Variants in SNTB2 observed in about 807,000 individuals in gnomAD.
SNTB2 encodes the protein beta-2-syntrophin.
In SNTB2, 34 loss-of-function variants were observed where a neutral mutation model predicts 46.2. The observed-to-expected ratio is 0.74, with a 90% CI of 0.56 to 0.98. The LOEUF (loss-of-function observed/expected upper bound fraction) is 0.98, where lower values mean the gene tolerates loss of function less well. Among genes scored for constraint, SNTB2 ranks in the 50% least tolerant of loss-of-function variants. The probability of loss-of-function intolerance (pLI) is 0.00; values close to 1 mark genes in which losing one functional copy is unlikely to be tolerated. For synonymous variants in SNTB2, 290 were observed against 312.6 expected, an observed-to-expected ratio of 0.93 and a Z score of 0.76; for missense variants, 603 against 731.4, an observed-to-expected ratio of 0.82 and a Z score of 2.02.
chr16:69,203,125 TCTC>T (rs1271701100), intron 1 of SNTB2, among the ~76,000 whole-genome samples: 8 of 151,376 alleles, frequency 5.3e-5, no homozygotes, highest in Middle Eastern at 3.4e-3. Context: ...TTCAAGCAAT[TCTC>T]CTGCCTCAGC....
chr16:69,219,558 G>A (rs1279345994), intron 1 of SNTB2, among the ~76,000 whole-genome samples: 1 of 152,152 alleles, frequency 6.6e-6, no homozygotes, highest in Non-Finnish European at 1.5e-5. Context: ...TCCATGCTAT[G>A]AGTCAGTAAT....
chr16:69,231,181 C>T (rs1013909556), intron 1 of SNTB2: 5 of 152,202 alleles, frequency 3.3e-5, no homozygotes, highest in African/African-American at 1.2e-4. Context: ...TTCTCATTTG[C>T]TTTGTGTGTT....
rs1240026287 is a variant in SNTB2, at chr16:69,212,109, C to T, written c.580+24363C>T. The stretch of plus-strand genomic sequence containing the variant: ...ATCACCTTGAACCCTACACTCTAGC[C>T]TTTCCTAGCTACTTTCATTTGTCTG... On this transcript the variant is annotated intron_variant, in intron 1 of 6. Coordinates refer to ENST00000336278, the MANE Select transcript of SNTB2 (RefSeq NM_006750.4). 3.9e-5 allele frequency among the ~76,000 whole-genome samples: 6 copies of T among 152,118 alleles called. No homozygotes were observed. In the East Asian group the frequency reaches 1.2e-3, roughly 29 times the overall value.
intron 1 of SNTB2, among the ~76,000 whole-genome samples, chr16:69,195,732 A>C (rs942228185): frequency 1.2e-4 from 19 of 152,158 alleles, no homozygotes; most frequent in Admixed American, 7.9e-4. Flanking sequence ...TTTACCACTC[A>C]CATTATCAGT....
At chr16:69,233,887 A>C (rs1288226601) in intron 1 of SNTB2, among the ~76,000 whole-genome samples, 1 of 152,116 alleles carries the variant, frequency 6.6e-6, no homozygotes, top group Non-Finnish European at 1.5e-5. Flanking sequence ...TGAGGCAAGA[A>C]GATCCCTTGA....
At chr16:69,299,921 G>A (rs1965263006) in intron 6 of SNTB2, 147 bp downstream of exon 6, 2 of 741,812 alleles carry the variant, frequency 2.7e-6, no homozygotes, top group African/African-American at 3.5e-5. Context: ...TTAAAGATGG[G>A]GTCTCTGTCA....
chr16:69,210,888 G>C (rs767676239), intron 1 of SNTB2, among the ~76,000 whole-genome samples: 8 of 152,096 alleles, frequency 5.3e-5, no homozygotes, highest in Non-Finnish European at 1.2e-4. Context: ...CTCCTAGGGA[G>C]ACTGAGGCAG....
chr16:69,259,447 C>G (rs1469884146), intron 2 of SNTB2, among the ~76,000 whole-genome samples: 1 of 151,518 alleles, frequency 6.6e-6, no homozygotes, highest in Non-Finnish European at 1.5e-5. Flanking sequence ...GTTGGCCAGA[C>G]TGGCCTCAAA....
At chr16:69,289,326 A>G (rs1965137260) in intron 5 of SNTB2, among the ~76,000 whole-genome samples, 1 of 151,898 alleles carries the variant, frequency 6.6e-6, no homozygotes, top group Non-Finnish European at 1.5e-5. Context: ...CAAGATAAAT[A>G]CCAGAGGTTG....
At chr16:69,261,373 G>A (rs1262807127) in intron 3 of SNTB2, among the ~76,000 whole-genome samples, 7 of 150,212 alleles carry the variant, frequency 4.7e-5, no homozygotes, top group African/African-American at 7.4e-5. Context: ...AAGCAGTTCT[G>A]ATGTGGTAGG....
At chr16:69,286,203 A>G (rs1356433573) in intron 5 of SNTB2, among the ~76,000 whole-genome samples, 1 of 152,174 alleles carries the variant, frequency 6.6e-6, no homozygotes, top group Non-Finnish European at 1.5e-5. Flanking sequence ...CTCTGGTCTT[A>G]GCTTCCTGAG....
At position 69,237,603 on chromosome 16, in the gene SNTB2, C is replaced by CTTTT. The variant is rs397706857; in HGVS notation, c.581-7985_581-7982dup. The stretch of plus-strand genomic sequence containing the variant: ...TTTTTTTTTCTTTCTTTCTTTCTTT[C>CTTTT]TTTTTTTTTTTTTTTTTGAGGCAGA... On this transcript the variant is annotated intron_variant, in intron 1 of 6. Coordinates refer to ENST00000336278, the MANE Select transcript of SNTB2 (RefSeq NM_006750.4). Among the ~76,000 whole-genome samples, 73 of 118,686 alleles carry CTTTT rather than the reference C, an allele frequency of 6.2e-4. 1 individual carries two copies. Among genetic ancestry groups the CTTTT allele is most frequent in the South Asian group, 8.2e-4 (3 of 3,672 alleles). 77.9% of individuals were successfully genotyped at this position (118,686 alleles called of 152,430 possible).
At chr16:69,199,944 T>A (rs1222123725) in intron 1 of SNTB2, among the ~76,000 whole-genome samples, 2 of 152,032 alleles carry the variant, frequency 1.3e-5, no homozygotes, top group East Asian at 3.9e-4. Context: ...AGACAGAATC[T>A]CCCTCTGTCG....
At chr16:69,275,239 A>T (rs887372192) in intron 4 of SNTB2, among the ~76,000 whole-genome samples, 1 of 151,824 alleles carries the variant, frequency 6.6e-6, no homozygotes, top group Non-Finnish European at 1.5e-5. Flanking sequence ...TGCCAGGTTA[A>T]TTTTTTATGG....
intron 1 of SNTB2, chr16:69,230,302 G>C (rs556668033): frequency 3.5e-4 from 53 of 151,466 alleles, no homozygotes; most frequent in African/African-American, 1.3e-3. Flanking sequence ...ATAAAACTTA[G>C]AGCTTGCTTT....
rs144631647 is a variant in SNTB2, at chr16:69,293,297, G to C, written c.1346-6293G>C. 4.5e-4 allele frequency among the ~76,000 whole-genome samples: 68 copies of C among 152,220 alleles called. No homozygotes were observed. In the East Asian group the frequency reaches 0.012, roughly 26 times the overall value. On this transcript the variant is annotated intron_variant, in intron 5 of 6. Transcript: ENST00000336278. ...CAGAAGCTGTCTATCCATAAGTCGG[G>C]AGTACCCTTCCCTGAAACACATTAG...
At chr16:69,268,483 A>T (rs34836902) in intron 3 of SNTB2, among the ~76,000 whole-genome samples, 24,319 of 151,776 alleles carry the variant, frequency 0.16, 2,101 homozygotes, top group Middle Eastern at 0.24. Context: ...TAATAATAAT[A>T]AATAAAATAC....
Position 69,284,709 on chromosome 16 carries a change from G to A in SNTB2, c.1345+465G>A, listed in dbSNP as rs886310091. On this transcript the variant is annotated intron_variant, in intron 5 of 6. Transcript: ENST00000336278. Reference sequence around the variant, plus strand: ...GAATTGCTTGAACTCGGGAGGCGGAGGTTGCAGTGAGCCAAGATCACACCA... The same window carrying A: ...GAATTGCTTGAACTCGGGAGGCGGAAGTTGCAGTGAGCCAAGATCACACCA... 1.9e-4 allele frequency among the ~76,000 whole-genome samples: 29 copies of A among 152,132 alleles called. 1 individual carries two copies. The highest frequency in any genetic ancestry group is 7.0e-4 in the African/African-American group (29 of 41,412).
At chr16:69,195,233 T>C (rs1964092815) in intron 1 of SNTB2, among the ~76,000 whole-genome samples, 3 of 152,150 alleles carry the variant, frequency 2.0e-5, no homozygotes, top group South Asian at 4.1e-4. Context: ...AATAGACGTA[T>C]ATGATTTATT....
Sources: allele counts gnomAD v4.1 joint callset (sites outside exome capture counted in the v4.1 genomes callset), GRCh38; gene constraint gnomAD v4.1.1; transcripts MANE v1.5; gene names NCBI Gene and HGNC (gene_info 2026-07-23, HGNC 2026-07-21).